Variants in RHBDD1 observed in about 807,000 individuals in gnomAD.
RHBDD1 encodes rhomboid domain containing 1.
A neutral mutation model predicts 36.3 loss-of-function variants in RHBDD1; 38 were observed. The ratio of observed to expected loss-of-function variants is 1.05; its 90% CI spans 0.81 to 1.37. The LOEUF is 1.37. Among genes scored for constraint, RHBDD1 ranks in the 40% most tolerant of loss-of-function variants. The pLI is 0.00. For synonymous variants in RHBDD1, 151 were observed against 136.5 expected, an observed-to-expected ratio of 1.11 and a Z score of -0.74; for missense variants, 393 against 377.6, an observed-to-expected ratio of 1.04 and a Z score of -0.34.
At chr2:226,929,416 T>C (rs1949870091) in intron 8 of RHBDD1, among the ~76,000 whole-genome samples, 1 of 152,042 alleles carries the variant, frequency 6.6e-6, no homozygotes, top group Non-Finnish European at 1.5e-5. Context: ...ATCATCTCAA[T>C]TGATGCATAA....
rs561778162 is a variant in RHBDD1 at position 226,936,628 on chromosome 2, T to C, written c.856+22277T>C. On this transcript the variant is annotated intron_variant, in intron 8 of 8. Coordinates refer to ENST00000392062, the MANE Select transcript of RHBDD1 (RefSeq NM_001167608.3). ...TAATTCTACCCATATCCCCCACAACTGATGGAGACTACGTTTTGGGCTACC... is the reference window on the plus strand; with the variant it reads ...TAATTCTACCCATATCCCCCACAACCGATGGAGACTACGTTTTGGGCTACC... Among the ~76,000 whole-genome samples, 80 of 152,278 alleles carry C rather than the reference T, an allele frequency of 5.3e-4. 3 individuals are homozygous for C. In the Middle Eastern group the frequency reaches 0.024, roughly 45 times the overall value.
rs1280555407 is a variant in RHBDD1, at chr2:226,907,096, TC to T, written c.655+216del. 4.9e-6 allele frequency: 3 copies of T among 613,994 alleles called. No homozygotes were observed. The East Asian group carries it at 8.4e-5, about 17-fold the overall frequency. 38.0% of individuals were successfully genotyped at this position (613,994 alleles called of 1,614,324 possible). A position where few individuals can be genotyped will look rare whatever the true frequency, so the allele number is the denominator to read the frequency against. ...AACTTAAATTTCGAATCTGATACTTTCTTAGGGGACAAATATCAGTATATAT... is the reference window on the plus strand; with the variant it reads ...AACTTAAATTTCGAATCTGATACTTTTTAGGGGACAAATATCAGTATATAT... On this transcript the variant is annotated intron_variant, in intron 6 of 8. Coordinates refer to ENST00000392062, the MANE Select transcript of RHBDD1 (RefSeq NM_001167608.3).
intron 8 of RHBDD1, among the ~76,000 whole-genome samples, chr2:226,915,631 T>G (rs1948846352): frequency 6.6e-6 from 1 of 152,138 alleles, no homozygotes; most frequent in Non-Finnish European, 1.5e-5. Context: ...TTTCTGACTT[T>G]AAGGAATATA....
intron 5 of RHBDD1, among the ~76,000 whole-genome samples, chr2:226,883,250 T>A (rs1398727319): frequency 6.6e-6 from 1 of 152,272 alleles, no homozygotes; most frequent in Non-Finnish European, 1.5e-5. Flanking sequence ...GCGTGATTTC[T>A]AAGCAAGTTT....
intron 8 of RHBDD1, among the ~76,000 whole-genome samples, chr2:226,966,611 T>C (rs1433636621): frequency 6.6e-6 from 1 of 152,230 alleles, no homozygotes; most frequent in African/African-American, 2.4e-5. Context: ...TATGTGTGCC[T>C]GATACATAAT....
intron 8 of RHBDD1, among the ~76,000 whole-genome samples, chr2:226,958,824 ACCCAGT>A (rs1446757313): frequency 6.6e-6 from 1 of 151,860 alleles, no homozygotes; most frequent in Admixed American, 6.6e-5. Context: ...GGAGTTGGAT[ACCCAGT>A]CCCCAATCCC....
At chr2:226,851,985 T>C (rs1400974970) in intron 3 of RHBDD1, among the ~76,000 whole-genome samples, 2 of 152,246 alleles carry the variant, frequency 1.3e-5, no homozygotes, top group Non-Finnish European at 2.9e-5. Flanking sequence ...TCCTCCTCAG[T>C]GGCAAGGCCA....
At chr2:226,885,792 T>C (rs1410389757) in intron 5 of RHBDD1, among the ~76,000 whole-genome samples, 2 of 152,184 alleles carry the variant, frequency 1.3e-5, no homozygotes, top group Admixed American at 6.5e-5. Flanking sequence ...TCCCCTGTTA[T>C]CTGCAGGAGA....
chr2:226,905,232 G>C (rs1392943551), intron 5 of RHBDD1, among the ~76,000 whole-genome samples: 1 of 151,680 alleles, frequency 6.6e-6, no homozygotes, highest in African/African-American at 2.4e-5. Flanking sequence ...CAGGGAGTTT[G>C]TGTGTGACAG....
chr2:226,973,410 G>A (rs1263090788), intron 8 of RHBDD1, among the ~76,000 whole-genome samples: 1 of 152,222 alleles, frequency 6.6e-6, no homozygotes, highest in Non-Finnish European at 1.5e-5. Flanking sequence ...TGGGAAAGTT[G>A]GGAAGTGAGT....
At chr2:226,843,794 T>C (rs947169686) in intron 3 of RHBDD1, among the ~76,000 whole-genome samples, 1 of 152,126 alleles carries the variant, frequency 6.6e-6, no homozygotes, top group African/African-American at 2.4e-5. Context: ...ATAGAAGGAG[T>C]TGGGGAGGAG....
At chr2:226,832,385 T>C (rs953984619), upstream of RHBDD1, among the ~76,000 whole-genome samples, 3 of 152,212 alleles carry the variant, frequency 2.0e-5, no homozygotes, top group African/African-American at 7.2e-5. Context: ...CTGAGACTTA[T>C]TTATGGTCTA....
intron 4 of RHBDD1, among the ~76,000 whole-genome samples, chr2:226,866,220 C>T (rs1435526434): frequency 3.3e-5 from 5 of 152,046 alleles, no homozygotes; most frequent in Admixed American, 2.6e-4. Context: ...ACAAGGCACG[C>T]ACCACCATGC....
chr2:226,882,354 C>T (rs575446493), intron 5 of RHBDD1, among the ~76,000 whole-genome samples: 53 of 144,368 alleles, frequency 3.7e-4, no homozygotes, highest in African/African-American at 1.3e-3. Context: ...TGCTTGAACC[C>T]GGTAGGTGGA....
At chr2:226,840,222 A>G (rs1941458868) in intron 3 of RHBDD1, among the ~76,000 whole-genome samples, 1 of 152,218 alleles carries the variant, frequency 6.6e-6, no homozygotes, top group African/African-American at 2.4e-5. Context: ...TGATATTTCA[A>G]AGCCCATAGA....
At chr2:226,994,393 G>A (rs932176405) in intron 8 of RHBDD1, among the ~76,000 whole-genome samples, 3 of 152,150 alleles carry the variant, frequency 2.0e-5, no homozygotes, top group Non-Finnish European at 2.9e-5. Context: ...ACAAACAAAC[G>A]GAAGGTGCCG....
At chr2:226,860,489 T>C (rs1204024311) in intron 3 of RHBDD1, among the ~76,000 whole-genome samples, 1 of 152,226 alleles carries the variant, frequency 6.6e-6, no homozygotes, top group Non-Finnish European at 1.5e-5. Context: ...TTATAGTCAG[T>C]GCTCACTTAT....
chr2:226,960,676 A>G (rs1393326417), intron 8 of RHBDD1, among the ~76,000 whole-genome samples: 2 of 152,212 alleles, frequency 1.3e-5, no homozygotes, highest in African/African-American at 4.8e-5. Flanking sequence ...GAATATATAT[A>G]CAGAAGTGGA....
chr2:226,866,154 T>G (rs1048579087), intron 4 of RHBDD1, among the ~76,000 whole-genome samples: 2 of 152,096 alleles, frequency 1.3e-5, no homozygotes, highest in Admixed American at 1.3e-4. Context: ...CACTGCAACC[T>G]CCGCCTCCCA....
Sources: allele counts gnomAD v4.1 joint callset (sites outside exome capture counted in the v4.1 genomes callset), GRCh38; gene constraint gnomAD v4.1.1; transcripts MANE v1.5; gene names NCBI Gene and HGNC (gene_info 2026-07-23, HGNC 2026-07-21).